PTPRN2: variants seen among roughly 807,000 people sequenced by gnomAD.
The protein encoded by PTPRN2 is receptor-type tyrosine-protein phosphatase N2.
A neutral mutation model predicts 118.8 loss-of-function variants in PTPRN2; 74 were observed. The ratio of observed to expected loss-of-function variants is 0.62; its 90% CI spans 0.52 to 0.76. The LOEUF (loss-of-function observed/expected upper bound fraction) is 0.76, where lower values mean the gene tolerates loss of function less well. Among genes scored for constraint, PTPRN2 ranks in the 30% least tolerant of loss-of-function variants. The pLI, the probability that PTPRN2 is intolerant of heterozygous loss-of-function variation, is 0.00. For synonymous variants in PTPRN2, 641 were observed against 608.0 expected, an observed-to-expected ratio of 1.05 and a Z score of -0.80; for missense variants, 1,481 against 1,394.4, an observed-to-expected ratio of 1.06 and a Z score of -0.99.
chr7:158,340,954 G>C (rs1419621513), intron 2 of PTPRN2, among the ~76,000 whole-genome samples: 3 of 83,588 alleles, frequency 3.6e-5, no homozygotes, highest in African/African-American at 1.2e-4. Flanking sequence ...CACCATAAGA[G>C]CTGACGCCCG....
intron 9 of PTPRN2, among the ~76,000 whole-genome samples, chr7:158,128,207 C>A (rs980535409): frequency 6.6e-6 from 1 of 152,098 alleles, no homozygotes; most frequent in African/African-American, 2.4e-5. Flanking sequence ...GAAAACTTGC[C>A]CAAGAGAATC....
At chr7:158,424,764 G>A (rs946570212) in intron 2 of PTPRN2, among the ~76,000 whole-genome samples, 1 of 151,926 alleles carries the variant, frequency 6.6e-6, no homozygotes, top group Non-Finnish European at 1.5e-5. Flanking sequence ...GGGCCCACAG[G>A]CATTAACCAT....
intron 11 of PTPRN2, among the ~76,000 whole-genome samples, chr7:157,950,733 C>T (rs1460661644): frequency 6.6e-6 from 1 of 152,170 alleles, no homozygotes; most frequent in Non-Finnish European, 1.5e-5. Flanking sequence ...CAAGCAAGGT[C>T]TGCGTGGAGT....
At chr7:157,559,476 C>T (rs1021257026) in intron 21 of PTPRN2, among the ~76,000 whole-genome samples, 9 of 152,044 alleles carry the variant, frequency 5.9e-5, no homozygotes, top group East Asian at 3.9e-4. Flanking sequence ...TGGGTGGGAG[C>T]GAGAGCAGAG....
At chr7:157,551,837 C>G (rs1585019456) in intron 21 of PTPRN2, among the ~76,000 whole-genome samples, 5 of 144,680 alleles carry the variant, frequency 3.5e-5, no homozygotes, top group African/African-American at 1.0e-4. Context: ...CCCACAGCCA[C>G]CACACACCCC....
In PTPRN2 at chr7:157,676,091, G is replaced by C. The variant is rs760527395; in HGVS notation, c.2001+6634C>G. 3.9e-5 allele frequency among the ~76,000 whole-genome samples: 6 copies of C among 151,966 alleles called. No individual in the cohort carries two copies. The highest frequency in any genetic ancestry group is 7.4e-5 in the Non-Finnish European group (5 of 67,984). ...AGACTGCAGGGTTTGTCCTTGTCACGAACTCAAAGAGCTGACCTCTCTGGG... is the reference window on the plus strand; with the variant it reads ...AGACTGCAGGGTTTGTCCTTGTCACCAACTCAAAGAGCTGACCTCTCTGGG... On this transcript the variant is annotated intron_variant, in intron 13 of 22. Coordinates refer to ENST00000389418, the MANE Select transcript of PTPRN2 (RefSeq NM_002847.5). The surrounding 1 kb of genome is among the most constrained non-coding windows in gnomAD (Gnocchi z 5.6).
chr7:157,847,411 C>A (rs112268038), intron 12 of PTPRN2, among the ~76,000 whole-genome samples: 5 of 151,302 alleles, frequency 3.3e-5, no homozygotes, highest in Admixed American at 2.0e-4. Context: ...GTTTACAGAG[C>A]CCTCTCTCAC....
In PTPRN2 at chr7:157,862,579, T is replaced by C. The variant is rs573543402; in HGVS notation, c.1788+36094A>G. The C allele has an allele frequency of 3.3e-5, 5 of 152,390 alleles. No individual in the cohort carries two copies. The South Asian group carries it at 8.3e-4, about 25-fold the overall frequency. 9.4% of individuals were successfully genotyped at this position (152,390 alleles called of 1,614,324 possible). A position where few individuals can be genotyped will look rare whatever the true frequency, so the allele number is the denominator to read the frequency against. ...GGGTGCCCAGCTGGTCAACATACATTTGTTACCTTGCTTTAAAATGCCTTG... is the reference window on the plus strand; with the variant it reads ...GGGTGCCCAGCTGGTCAACATACATCTGTTACCTTGCTTTAAAATGCCTTG... On this transcript the variant is annotated intron_variant, in intron 12 of 22. Transcript: ENST00000389418.
intron 12 of PTPRN2, among the ~76,000 whole-genome samples, chr7:157,712,698 C>T (rs1798705820): frequency 6.8e-6 from 1 of 148,042 alleles, no homozygotes; most frequent in Non-Finnish European, 1.5e-5. Context: ...TTGCGGCTAC[C>T]CAAGATTGCG....
At chr7:157,850,684 A>C (rs962791191) in intron 12 of PTPRN2, among the ~76,000 whole-genome samples, 1 of 152,144 alleles carries the variant, frequency 6.6e-6, no homozygotes, top group African/African-American at 2.4e-5. Context: ...TGACAGACAA[A>C]AGGTGTAGAA....
chr7:157,653,336 G>A (rs1320461107), intron 14 of PTPRN2, among the ~76,000 whole-genome samples: 4 of 152,300 alleles, frequency 2.6e-5, no homozygotes, highest in African/African-American at 9.6e-5. Flanking sequence ...GCACTGAGGT[G>A]GCCGGTTGGG....
At chr7:158,329,339 T>A (rs1803935148) in intron 2 of PTPRN2, among the ~76,000 whole-genome samples, 1 of 152,108 alleles carries the variant, frequency 6.6e-6, no homozygotes, top group Non-Finnish European at 1.5e-5. Context: ...TTCCCAGCCT[T>A]TTACCTTTAA....
intron 11 of PTPRN2, among the ~76,000 whole-genome samples, chr7:158,072,289 C>G (rs1812003931): frequency 6.6e-6 from 1 of 152,168 alleles, no homozygotes; most frequent in South Asian, 2.1e-4. Flanking sequence ...GCAGTGCCCT[C>G]CTTATTAAGA....
At chr7:158,320,540 CCG>C (rs1802920115) in intron 2 of PTPRN2, among the ~76,000 whole-genome samples, 1 of 57,534 alleles carries the variant, frequency 1.7e-5, no homozygotes, top group Non-Finnish European at 4.0e-5. Context: ...GTCCGTGTTC[CCG>C]CGTCCTCGGC....
At chr7:157,996,668 TTCTAGCTTTCTTC>T (rs936855369) in intron 11 of PTPRN2, among the ~76,000 whole-genome samples, 6 of 152,234 alleles carry the variant, frequency 3.9e-5, no homozygotes, top group East Asian at 1.9e-4. Context: ...TCAGGGGACC[TTCTAGCTTTCTTC>T]TCTAGCTTTC....
At chr7:158,114,493 T>A (rs183245485) in intron 9 of PTPRN2, among the ~76,000 whole-genome samples, 2 of 152,180 alleles carry the variant, frequency 1.3e-5, no homozygotes, top group South Asian at 4.1e-4. Flanking sequence ...GGGAGGGATG[T>A]GGAAGACGTG....
At chr7:157,853,453 C>T (rs904751101) in intron 12 of PTPRN2, among the ~76,000 whole-genome samples, 1 of 151,860 alleles carries the variant, frequency 6.6e-6, no homozygotes, top group African/African-American at 2.4e-5. Flanking sequence ...CCTCTCCCCA[C>T]CCCCCCACCT....
intron 12 of PTPRN2, among the ~76,000 whole-genome samples, chr7:157,684,594 C>G (rs1170003773): frequency 6.6e-6 from 1 of 150,730 alleles, no homozygotes; most frequent in East Asian, 2.0e-4. Context: ...CTCCCCTCCC[C>G]TCCCCTCCGC....
At chr7:158,289,487 C>T (rs964083472) in intron 3 of PTPRN2, among the ~76,000 whole-genome samples, 5 of 152,138 alleles carry the variant, frequency 3.3e-5, no homozygotes, top group African/African-American at 1.2e-4. Flanking sequence ...TTTTCCACAT[C>T]CAGAGTTTCT....
Sources: allele counts gnomAD v4.1 joint callset (sites outside exome capture counted in the v4.1 genomes callset), GRCh38; gene constraint gnomAD v4.1.1; non-coding constraint Gnocchi (gnomAD v3.1); transcripts MANE v1.5; gene names NCBI Gene and HGNC (gene_info 2026-07-23, HGNC 2026-07-21).